PCNX1: variants seen among roughly 807,000 people sequenced by gnomAD.
PCNX1 encodes the protein pecanex 1.
Under a neutral mutation model 242.2 loss-of-function variants are expected in PCNX1, and 78 were observed. The ratio of observed to expected loss-of-function variants is 0.32; its 90% CI spans 0.27 to 0.39. The LOEUF (loss-of-function observed/expected upper bound fraction) is 0.39. Ranked by LOEUF, PCNX1 falls within the 10% of genes least tolerant of loss-of-function variation. The pLI, the probability that PCNX1 is intolerant of heterozygous loss-of-function variation, is 1.00. For synonymous variants in PCNX1, 1,024 were observed against 1,032.9 expected (o/e 0.99, Z 0.17); for missense variants, 2,581 against 2,856.5 (o/e 0.90, Z 2.20).
chr14:71,075,933 G>C (rs1173788413), intron 27 of PCNX1, among the ~76,000 whole-genome samples: 1 of 151,730 alleles, frequency 6.6e-6, no homozygotes, highest in Non-Finnish European at 1.5e-5. Context: ...TTTTGAAGTT[G>C]CTTTGTTGAA....
intron 8 of PCNX1, among the ~76,000 whole-genome samples, chr14:70,998,149 C>A (rs1159297162): frequency 1.3e-5 from 2 of 152,038 alleles, no homozygotes; most frequent in African/African-American, 4.8e-5. Flanking sequence ...CTGAATCAGA[C>A]ATTGTTTAAT....
chr14:70,995,994 A>G, intron 8 of PCNX1, 69 bp downstream of exon 8: 1 of 1,175,826 alleles, frequency 8.5e-7, no homozygotes. Flanking sequence ...TAACAATTGC[A>G]GTTCTTTTTT....
chr14:71,013,112 A>G lies in PCNX1; in HGVS notation c.2906A>G (p.Lys969Arg). The change falls in exon 11 of 36, where the codon AAG (lysine) becomes AGG (arginine). Residue 969 changes from lysine to arginine, a missense_variant. Physicochemically the swap from Lys to Arg is conservative, Grantham distance 26 (BLOSUM62 2). Transcript: ENST00000304743. ...GGCCCAACAGAAGAAGCTGCCCAAAAGGTTAAACACTATTATCGCTTTTGG... is the reference window on the plus strand; with the variant it reads ...GGCCCAACAGAAGAAGCTGCCCAAAGGGTTAAACACTATTATCGCTTTTGG... ...TYGPTEEAAQ[K>R]VKHYYRFWIL... 6.2e-7 allele frequency: 1 copy of G among 1,614,146 alleles called. No individual in the cohort carries two copies.
intron 1 of PCNX1, among the ~76,000 whole-genome samples, chr14:70,926,585 AT>A (rs1309845559): frequency 2.0e-5 from 3 of 151,950 alleles, no homozygotes; most frequent in Non-Finnish European, 2.9e-5. Context: ...AACCAAGGGG[AT>A]TTTAAACCTC....
chr14:70,955,129 A>T (rs1002495282), intron 2 of PCNX1, among the ~76,000 whole-genome samples: 1 of 152,244 alleles, frequency 6.6e-6, no homozygotes, highest in Admixed American at 6.5e-5. Context: ...TTAGAGAAAG[A>T]ATCAGTCACT....
intron 8 of PCNX1, among the ~76,000 whole-genome samples, chr14:71,004,705 C>T (rs1031025710): frequency 2.0e-5 from 3 of 152,048 alleles, no homozygotes; most frequent in Non-Finnish European, 4.4e-5. Context: ...AACTGAGTCA[C>T]CACTTATGAT....
intron 12 of PCNX1, among the ~76,000 whole-genome samples, chr14:71,020,569 A>G (rs2060073816): frequency 6.6e-6 from 1 of 152,040 alleles, no homozygotes; most frequent in Non-Finnish European, 1.5e-5. Context: ...CGGCCACATA[A>G]ATGTCTTTTG....
chr14:71,007,186 G>A (rs911917130), intron 8 of PCNX1, among the ~76,000 whole-genome samples: 5 of 151,410 alleles, frequency 3.3e-5, no homozygotes, highest in African/African-American at 1.2e-4. Context: ...TGTCTGTTTA[G>A]AAAAGCTTTT....
At chr14:71,039,236 TAAAAAAACA>T (rs1444443571) in intron 19 of PCNX1, among the ~76,000 whole-genome samples, 1 of 151,638 alleles carries the variant, frequency 6.6e-6, no homozygotes, top group Non-Finnish European at 1.5e-5. Flanking sequence ...AAAAAAAAAT[TAAAAAAACA>T]AAAAAAACCA....
intron 4 of PCNX1, among the ~76,000 whole-genome samples, 190 bp downstream of exon 4, chr14:70,968,433 CAA>C (rs779380744): frequency 2.6e-5 from 4 of 152,282 alleles, no homozygotes; most frequent in Non-Finnish European, 5.9e-5. Flanking sequence ...CCAAATTTCA[CAA>C]AAGTGTCTGA....
intron 6 of PCNX1, among the ~76,000 whole-genome samples, chr14:70,982,869 A>G (rs1009318360): frequency 6.6e-6 from 1 of 152,196 alleles, no homozygotes; most frequent in South Asian, 2.1e-4. Context: ...AGGCCATTAA[A>G]TCTGTGCCTC....
At chr14:71,000,981 G>A (rs1018847820) in intron 8 of PCNX1, among the ~76,000 whole-genome samples, 1 of 152,122 alleles carries the variant, frequency 6.6e-6, no homozygotes, top group Non-Finnish European at 1.5e-5. Flanking sequence ...TTATTGTCTT[G>A]TCTTAAGCCT....
chr14:71,048,129 G>C (rs1029884984), intron 22 of PCNX1, 145 bp downstream of exon 22: 15 of 509,646 alleles, frequency 2.9e-5, no homozygotes, highest in Non-Finnish European at 4.5e-5. Context: ...GAGCACATTA[G>C]AATCCCTAAA....
At chr14:71,037,374 A>G (rs1482473705) in intron 19 of PCNX1, among the ~76,000 whole-genome samples, 1 of 131,032 alleles carries the variant, frequency 7.6e-6, no homozygotes, top group Non-Finnish European at 1.6e-5. Flanking sequence ...GCCAGTTTTC[A>G]AAGGGAATGC....
At chr14:70,948,922 TATATATGTAC>T (rs1189838748) in intron 2 of PCNX1, among the ~76,000 whole-genome samples, 326 of 148,410 alleles carry the variant, frequency 2.2e-3, no homozygotes, top group African/African-American at 7.6e-3. Context: ...TATATATGTG[TATATATGTAC>T]ATATATGTAC....
intron 11 of PCNX1, among the ~76,000 whole-genome samples, chr14:71,015,267 A>G (rs1470339414): frequency 3.3e-5 from 5 of 152,214 alleles, no homozygotes; most frequent in African/African-American, 1.2e-4. Flanking sequence ...AGGAACAAAG[A>G]TAAATGGAAA....
At chr14:70,926,312 C>T (rs977440381) in intron 1 of PCNX1, among the ~76,000 whole-genome samples, 6 of 151,872 alleles carry the variant, frequency 4.0e-5, no homozygotes, top group Non-Finnish European at 7.4e-5. Context: ...GTGCTTATAT[C>T]AGATACTCTC....
At chr14:70,949,345 A>G (rs140417026) in intron 2 of PCNX1, among the ~76,000 whole-genome samples, 1,596 of 149,828 alleles carry the variant, frequency 0.011, 14 homozygotes, top group South Asian at 0.017. Context: ...ACGTGCATAC[A>G]CGCACGTGCA....
chr14:71,034,091 A>G (rs1273147789), intron 18 of PCNX1, 55 bp downstream of exon 18: 1 of 905,062 alleles, frequency 1.1e-6, no homozygotes, highest in Non-Finnish European at 1.8e-6. Flanking sequence ...ACAGTTGATC[A>G]TGTTATATGA....
Sources: gnomAD v4.1 joint callset for allele counts (sites outside exome capture counted in the v4.1 genomes callset) on GRCh38, gnomAD v4.1.1 for gene constraint, MANE v1.5 for transcripts, NCBI Gene and HGNC (gene_info 2026-07-23, HGNC 2026-07-21) for gene names.